LTA: variants seen among roughly 807,000 people sequenced by gnomAD.
The protein encoded by LTA is lymphotoxin-alpha.
Under a neutral mutation model 15.1 loss-of-function variants are expected in LTA, and 6 were observed. The ratio of observed to expected loss-of-function variants is 0.40; its 90% CI spans 0.22 to 0.78. The LOEUF (loss-of-function observed/expected upper bound fraction) is 0.78, where lower values mean the gene tolerates loss of function less well. Ranked by LOEUF, LTA falls within the 30% of genes least tolerant of loss-of-function variation. The probability of loss-of-function intolerance (pLI) is 0.38; values close to 1 mark genes in which losing one functional copy is unlikely to be tolerated. For missense variants in LTA, 173 were observed against 249.5 expected, an observed-to-expected ratio of 0.69 and a Z score of 2.06; for synonymous variants, 87 against 107.3, an observed-to-expected ratio of 0.81 and a Z score of 1.17.
the LTA span, among the ~76,000 whole-genome samples, chr6:31,564,420 C>G: frequency 1.3e-5 from 2 of 152,142 alleles, no homozygotes; most frequent in Non-Finnish European, 2.9e-5. Flanking sequence ...GCTGGGGCTA[C>G]AGGCACCCAC....
At chr6:31,561,560 G>A in the LTA span, among the ~76,000 whole-genome samples, 1 of 151,942 alleles carries the variant, frequency 6.6e-6, no homozygotes, top group East Asian at 1.9e-4. Context: ...GTGTGGTCTT[G>A]GGCACCTGTA....
At position 31,573,832 on chromosome 6, in the gene LTA, A is replaced by C. The variant is rs1771003774; in HGVS notation, c.*139A>C. On this transcript the variant is annotated 3_prime_UTR_variant, in exon 4 of 4. Transcript: ENST00000418386. ...AGCTCAAGTCTTCCCTGATCAAGTCACCGGAGCTTTCAAAGAAGGAATTCT... is the reference window on the plus strand; with the variant it reads ...AGCTCAAGTCTTCCCTGATCAAGTCCCCGGAGCTTTCAAAGAAGGAATTCT... 6 of 1,016,290 alleles carry C rather than the reference A, an allele frequency of 5.9e-6. No individual in the cohort carries two copies. The highest frequency in any genetic ancestry group is 9.0e-6 in the Non-Finnish European group (6 of 665,800). The allele number at this position is 1,016,290 out of a possible 1,614,324, so 63.0% of individuals were successfully genotyped here.
chr6:31,565,060 C>T, the LTA span, among the ~76,000 whole-genome samples: 52 of 152,140 alleles, frequency 3.4e-4, no homozygotes, highest in Non-Finnish European at 3.7e-4. Context: ...GCAAAAGGCA[C>T]GTGCTTTGGG....
upstream of LTA, among the ~76,000 whole-genome samples, chr6:31,570,441 C>CT (rs1770771530): frequency 1.3e-5 from 2 of 152,336 alleles, no homozygotes; most frequent in African/African-American, 2.4e-5. Flanking sequence ...TCCAACCCCT[C>CT]TAACACTCTC....
chr6:31,562,521 G>C, the LTA span, among the ~76,000 whole-genome samples: 1 of 152,072 alleles, frequency 6.6e-6, no homozygotes, highest in Non-Finnish European at 1.5e-5. Flanking sequence ...GATCTTTTTT[G>C]TTGTTTATTT....
Position 31,573,932 on chromosome 6 carries a change from G to C in LTA, c.*239G>C. On this transcript the variant is annotated 3_prime_UTR_variant, in exon 4 of 4. Coordinates refer to ENST00000418386, the MANE Select transcript of LTA (RefSeq NM_000595.4). ...GGCTGAGGATTTCAAGCCTGCCTAG[G>C]AATTCCCAGCCCAAAGCTGTTGGTC... The C allele has an allele frequency of 4.3e-6, 3 of 694,020 alleles. No individual in the cohort carries two copies. In the Admixed American group the frequency reaches 6.1e-5, roughly 14 times the overall value. 43.0% of individuals were successfully genotyped at this position (694,020 alleles called of 1,614,324 possible).
At position 31,573,938 on chromosome 6, in the gene LTA, C is replaced by T. The variant is rs1771009868; in HGVS notation, c.*245C>T. ...GGATTTCAAGCCTGCCTAGGAATTC[C>T]CAGCCCAAAGCTGTTGGTCTGTCCC... On this transcript the variant is annotated 3_prime_UTR_variant, in exon 4 of 4. Transcript: ENST00000418386. 1.4e-6 allele frequency: 1 copy of T among 689,846 alleles called. No individual in the cohort carries two copies. 42.7% of individuals were successfully genotyped at this position (689,846 alleles called of 1,614,324 possible).
upstream of LTA, among the ~76,000 whole-genome samples, chr6:31,569,693 A>T (rs1010604796): frequency 1.9e-4 from 29 of 151,816 alleles, 1 homozygote; most frequent in Non-Finnish European, 2.9e-5. Flanking sequence ...GCTACTCGGG[A>T]GGCTGAGGCA....
At chr6:31,565,189 A>G in the LTA span, among the ~76,000 whole-genome samples, 1 of 152,220 alleles carries the variant, frequency 6.6e-6, no homozygotes, top group African/African-American at 2.4e-5. Context: ...AGAGAGGAGT[A>G]GCATCATTAG....
At chr6:31,563,931 A>C in the LTA span, among the ~76,000 whole-genome samples, 2 of 152,296 alleles carry the variant, frequency 1.3e-5, no homozygotes, top group African/African-American at 2.4e-5. Context: ...AAATGCAGAC[A>C]AAGTGGAGTT....
upstream of LTA, among the ~76,000 whole-genome samples, chr6:31,569,379 A>C (rs1770720279): frequency 6.6e-6 from 1 of 152,200 alleles, no homozygotes; most frequent in African/African-American, 2.4e-5. Context: ...CCATTAGAGA[A>C]GCAGAAAGAG....
chr6:31,572,373 C>A lies in LTA; in HGVS notation c.-83C>A. The A allele has an allele frequency of 2.4e-6, 1 of 409,116 alleles. No homozygotes were observed. Among genetic ancestry groups the A allele is most frequent in the Non-Finnish European group, 4.4e-6 (1 of 225,036 alleles). The allele number at this position is 409,116 out of a possible 1,614,324, so 25.3% of individuals were successfully genotyped here. ...CTTTGGACTACCGCCCAGCAGTGTC[C>A]TGCCCTCTGCCTGGGCCTCGGTCCC... On this transcript the variant is annotated 5_prime_UTR_variant, in exon 1 of 4. In the 5' UTR this introduces an upstream ATG that the reference lacks. Coordinates refer to ENST00000418386, the MANE Select transcript of LTA (RefSeq NM_000595.4).
At chr6:31,572,577 G>C in intron 1 of LTA, 131 bp downstream of exon 1, 1 of 608,616 alleles carries the variant, frequency 1.6e-6, no homozygotes, top group Non-Finnish European at 2.9e-6. Context: ...GTCTCCCTCT[G>C]CTCACCTTGG....
chr6:31,563,527 T>G, the LTA span, among the ~76,000 whole-genome samples: 3 of 152,212 alleles, frequency 2.0e-5, no homozygotes, highest in East Asian at 5.8e-4. Context: ...GGATTAGTTA[T>G]AGGCCTCTTA....
At chr6:31,565,393 T>A in the LTA span, among the ~76,000 whole-genome samples, 1 of 152,198 alleles carries the variant, frequency 6.6e-6, no homozygotes, top group Non-Finnish European at 1.5e-5. Context: ...GTTTAGCTTC[T>A]AGGAGCAGGA....
At chr6:31,569,124 C>T (rs1746596586), upstream of LTA, among the ~76,000 whole-genome samples, 1 of 152,160 alleles carries the variant, frequency 6.6e-6, no homozygotes, top group South Asian at 2.1e-4. Flanking sequence ...GTTCTCCTGC[C>T]TCAGCTTCCC....
At chr6:31,563,701 G>A in the LTA span, among the ~76,000 whole-genome samples, 22,384 of 152,106 alleles carry the variant, frequency 0.15, 1,728 homozygotes, top group South Asian at 0.25. Flanking sequence ...TCTGCCTCCC[G>A]GGTTCAAGCG....
At chr6:31,573,067 C>A in intron 3 of LTA, 34 bp downstream of exon 3, 1 of 1,547,762 alleles carries the variant, frequency 6.5e-7, no homozygotes, top group East Asian at 2.3e-5. Context: ...GACATGTCCC[C>A]ACCAGCTCTC....
chr6:31,572,359 C>T lies in LTA; in HGVS notation c.-97C>T. The T allele has an allele frequency of 3.0e-6, 1 of 331,208 alleles. No individual in the cohort carries two copies. The highest frequency in any genetic ancestry group is 5.6e-6 in the Non-Finnish European group (1 of 179,266). 20.5% of individuals were successfully genotyped at this position (331,208 alleles called of 1,614,324 possible). On this transcript the variant is annotated 5_prime_UTR_variant, in exon 1 of 4. Coordinates refer to ENST00000418386, the MANE Select transcript of LTA (RefSeq NM_000595.4). ...GCCCGTGCTTCGTGCTTTGGACTACCGCCCAGCAGTGTCCTGCCCTCTGCC... is the reference window on the plus strand; with the variant it reads ...GCCCGTGCTTCGTGCTTTGGACTACTGCCCAGCAGTGTCCTGCCCTCTGCC...
Sources: allele counts gnomAD v4.1 joint callset (sites outside exome capture counted in the v4.1 genomes callset), GRCh38; gene constraint gnomAD v4.1.1; transcripts MANE v1.5; gene names NCBI Gene and HGNC (gene_info 2026-07-23, HGNC 2026-07-21).